Variants in PPP2R2B observed in about 807,000 individuals in gnomAD.
The protein encoded by PPP2R2B is protein phosphatase 2 regulatory subunit Bbeta.
In PPP2R2B, 5 loss-of-function variants were observed where a neutral mutation model predicts 46.0. That is an observed-to-expected ratio of 0.11 (90% CI 0.06 to 0.23). The LOEUF (loss-of-function observed/expected upper bound fraction) is 0.23, where lower values mean the gene tolerates loss of function less well. Among genes scored for constraint, PPP2R2B ranks in the 10% least tolerant of loss-of-function variants. The pLI is 1.00. For synonymous variants in PPP2R2B, 215 were observed against 206.7 expected (o/e 1.04, Z -0.34); for missense variants, 367 against 575.0 (o/e 0.64, Z 3.70).
At chr5:146,831,523 A>T (rs1377086626) in intron 2 of PPP2R2B, among the ~76,000 whole-genome samples, 3 of 133,722 alleles carry the variant, frequency 2.2e-5, no homozygotes, top group Admixed American at 7.9e-5. Flanking sequence ...AAAAAAAAAA[A>T]GCCTCTGGGT....
At chr5:146,636,834 A>G (rs937855214) in intron 7 of PPP2R2B, among the ~76,000 whole-genome samples, 1 of 152,166 alleles carries the variant, frequency 6.6e-6, no homozygotes, top group African/African-American at 2.4e-5. Flanking sequence ...CTTTTTATTT[A>G]ACACCCTTCA....
rs184460064 is a variant in PPP2R2B at position 146,674,582 on chromosome 5, T to C, written c.447+16546A>G. On this transcript the variant is annotated intron_variant, in intron 5 of 9. Transcript: ENST00000394411. The stretch of plus-strand genomic sequence containing the variant: ...TCCCTTCTGGTCCTAAGGAATGTAA[T>C]TGACAGCTCATACATCTTGGGTTGT... 3.7e-3 allele frequency among the ~76,000 whole-genome samples: 556 copies of C among 152,320 alleles called. 1 individual carries two copies. The highest frequency in any genetic ancestry group is 0.02 in the Middle Eastern group (6 of 294).
intron 2 of PPP2R2B, among the ~76,000 whole-genome samples, chr5:146,760,876 A>T (rs903590436): frequency 2.0e-5 from 3 of 152,230 alleles, no homozygotes; most frequent in Admixed American, 6.5e-5. Context: ...ACAGTTCTCA[A>T]AGAAGACATT....
At chr5:146,757,372 T>C (rs76874369) in intron 2 of PPP2R2B, among the ~76,000 whole-genome samples, 4,420 of 152,268 alleles carry the variant, frequency 0.029, 227 homozygotes, top group African/African-American at 0.1. Context: ...TTAAAGATAG[T>C]ACTGGCTGCC....
Position 146,682,159 on chromosome 5 carries a change from TA to T in PPP2R2B, c.447+8968del, listed in dbSNP as rs1348723273. ...CATGGTAAGTGCAGCATAACAAAGG[TA>T]CCTTTGGGATGAAAGAAAATATTTT... is the stretch of plus-strand genomic sequence containing the variant. On this transcript the variant is annotated intron_variant, in intron 5 of 9. Transcript: ENST00000394411. 4.6e-5 allele frequency among the ~76,000 whole-genome samples: 7 copies of T among 152,162 alleles called. No individual in the cohort carries two copies. In the South Asian group the frequency reaches 1.4e-3, roughly 32 times the overall value.
intron 1 of PPP2R2B, among the ~76,000 whole-genome samples, chr5:147,050,800 T>A (rs1756773679): frequency 1.3e-5 from 2 of 152,136 alleles, no homozygotes; most frequent in Admixed American, 6.6e-5. Context: ...TAACAAAGAA[T>A]TAGAAAAATA....
intron 2 of PPP2R2B, among the ~76,000 whole-genome samples, chr5:146,739,426 A>G (rs539608105): frequency 1.8e-4 from 28 of 152,188 alleles, no homozygotes; most frequent in Non-Finnish European, 2.9e-4. Flanking sequence ...GCCAAAGGGC[A>G]AAGGATGGGG....
chr5:146,849,257 C>A (rs746671742), intron 2 of PPP2R2B, among the ~76,000 whole-genome samples: 14 of 152,124 alleles, frequency 9.2e-5, no homozygotes, highest in Non-Finnish European at 1.5e-4. Context: ...GTGCATATAA[C>A]CCTATGTATA....
chr5:146,887,896 T>A (rs1439571720), intron 1 of PPP2R2B, among the ~76,000 whole-genome samples: 2 of 152,234 alleles, frequency 1.3e-5, no homozygotes, highest in Admixed American at 1.3e-4. Context: ...TAGAATGTTG[T>A]GGTCACATGA....
chr5:146,745,003 G>T lies in PPP2R2B; in HGVS notation c.71-43861C>A, dbSNP rs539734261. Among the ~76,000 whole-genome samples the T allele has an allele frequency of 2.4e-4, 37 of 152,232 alleles. No individual in the cohort carries two copies. The Middle Eastern group carries it at 0.01, about 42-fold the overall frequency. On this transcript the variant is annotated intron_variant, in intron 2 of 9. Transcript: ENST00000394411. ...TTATATTCAGTTTAGAATATAAATT[G>T]TCCATTCCCAGTTCAATGGGAAAAT...
At chr5:146,911,738 TTTTA>T (rs1427401566) in intron 1 of PPP2R2B, among the ~76,000 whole-genome samples, 2 of 152,224 alleles carry the variant, frequency 1.3e-5, no homozygotes, top group Non-Finnish European at 2.9e-5. Context: ...CTAGGTCCAA[TTTTA>T]TTTCATAAGC....
At chr5:146,661,958 T>C (rs948150440) in intron 5 of PPP2R2B, among the ~76,000 whole-genome samples, 1 of 152,126 alleles carries the variant, frequency 6.6e-6, no homozygotes, top group African/African-American at 2.4e-5. Context: ...GAGAGTGGGA[T>C]TGGGAGAGGC....
rs1770381698 is a variant in PPP2R2B at position 146,589,510 on chromosome 5, T to TAAG, written c.*434_*436dup. On this transcript the variant is annotated 3_prime_UTR_variant, in exon 10 of 10. Coordinates refer to ENST00000394411, the MANE Select transcript of PPP2R2B (RefSeq NM_181675.4). ...TTTCACAAAACAAGAAGAATTTGTC[T>TAAG]AAGAGTAAACGGTGTTTATTTTTTG... is the stretch of plus-strand genomic sequence containing the variant. 1 of 157,772 alleles carries TAAG rather than the reference T, an allele frequency of 6.3e-6. No individual in the cohort carries two copies. The highest frequency in any genetic ancestry group is 2.4e-5 in the African/African-American group (1 of 41,498). 9.8% of individuals were successfully genotyped at this position (157,772 alleles called of 1,614,324 possible). A position where few individuals can be genotyped will look rare whatever the true frequency, so the allele number is the denominator to read the frequency against.
intron 2 of PPP2R2B, among the ~76,000 whole-genome samples, chr5:146,738,189 G>A (rs1229267617): frequency 6.6e-6 from 1 of 151,898 alleles, no homozygotes; most frequent in Admixed American, 6.6e-5. Flanking sequence ...GAGGTCAGGA[G>A]ATCGAGACCA....
chr5:146,911,156 T>G (rs1200675867), intron 1 of PPP2R2B, among the ~76,000 whole-genome samples: 1 of 151,864 alleles, frequency 6.6e-6, no homozygotes, highest in Admixed American at 6.6e-5. Flanking sequence ...TGATCTCAGC[T>G]CACTGCAATC....
chr5:146,745,348 A>C (rs1753125227), intron 2 of PPP2R2B, among the ~76,000 whole-genome samples: 1 of 152,216 alleles, frequency 6.6e-6, no homozygotes, highest in Admixed American at 6.5e-5. Context: ...TTCAATCAAT[A>C]TTCCAAGATT....
At chr5:146,812,724 T>TTA (rs764543835) in intron 2 of PPP2R2B, among the ~76,000 whole-genome samples, 26 of 15,074 alleles carry the variant, frequency 1.7e-3, no homozygotes, top group African/African-American at 6.1e-3. Context: ...TAGAGTTACT[T>TTA]TATATATATA....
intron 2 of PPP2R2B, among the ~76,000 whole-genome samples, chr5:146,802,250 A>T (rs938595044): frequency 6.6e-5 from 10 of 152,164 alleles, no homozygotes; most frequent in African/African-American, 2.4e-4. Flanking sequence ...TCTAGAATGC[A>T]TTGGATACTT....
chr5:146,667,728 T>C (rs1357542901), intron 5 of PPP2R2B, among the ~76,000 whole-genome samples: 3 of 152,174 alleles, frequency 2.0e-5, no homozygotes, highest in Non-Finnish European at 4.4e-5. Flanking sequence ...TTGTCTGTCT[T>C]GCTTAGGGGC....
Sources: allele counts gnomAD v4.1 joint callset (sites outside exome capture counted in the v4.1 genomes callset), GRCh38; gene constraint gnomAD v4.1.1; transcripts MANE v1.5; gene names NCBI Gene and HGNC (gene_info 2026-07-23, HGNC 2026-07-21).